NFIC: variants seen among roughly 807,000 people sequenced by gnomAD.
NFIC encodes the protein nuclear factor I C.
NFIC carries 12 observed loss-of-function variants against 54.4 expected under a neutral mutation model. The ratio of observed to expected loss-of-function variants is 0.22; its 90% CI spans 0.14 to 0.36. NFIC has a LOEUF of 0.36. Among genes scored for constraint, NFIC ranks in the 10% least tolerant of loss-of-function variants. NFIC has a pLI of 1.00. For missense variants in NFIC, 575 were observed against 718.2 expected (o/e 0.80, Z 2.28); for synonymous variants, 322 against 319.2 (o/e 1.01, Z -0.09).
At position 3,459,492 on chromosome 19, in the gene NFIC, G is replaced by A. The variant is rs1174022212; in HGVS notation, c.1509+2857G>A. ...CAAGGCGGGCATTGAGCCACATGCC[G>A]GGAGCCACACAGGCGGCTGCAGCCA... On this transcript the variant is annotated intron_variant, in intron 10 of 10. Coordinates refer to ENST00000443272, the MANE Select transcript of NFIC (RefSeq NM_001245002.2). The surrounding 1 kb of genome is among the most constrained non-coding windows in gnomAD (Gnocchi z 4.2). 2.0e-5 allele frequency among the ~76,000 whole-genome samples: 3 copies of A among 152,130 alleles called. No individual in the cohort carries two copies. The highest frequency in any genetic ancestry group is 1.9e-4 in the East Asian group (1 of 5,172).
chr19:3,450,565 G>T (rs1308709119), intron 7 of NFIC, among the ~76,000 whole-genome samples: 3 of 151,310 alleles, frequency 2.0e-5, no homozygotes, highest in African/African-American at 7.3e-5. Context: ...TGAGGCACAA[G>T]AATTTCTTGA....
In NFIC at chr19:3,453,623, C is replaced by A; in HGVS notation, c.1270-140C>A. The A allele has an allele frequency of 8.3e-7, 1 of 1,209,394 alleles. No individual in the cohort carries two copies. Among genetic ancestry groups the A allele is most frequent in the Non-Finnish European group, 1.1e-6 (1 of 898,794 alleles). The allele number at this position is 1,209,394 out of a possible 1,614,324, so 74.9% of individuals were successfully genotyped here. A position where few individuals can be genotyped will look rare whatever the true frequency, so the allele number is the denominator to read the frequency against. ...CGGCCGTCCTCAGACCCACCAAACC[C>A]GCCATGGTCACACCCGCGCCCTGGC... On this transcript the variant is annotated intron_variant, in intron 8 of 10. Coordinates refer to ENST00000443272, the MANE Select transcript of NFIC (RefSeq NM_001245002.2). This position sits in a 1 kb window ranked among gnomAD's most constrained non-coding sequence, Gnocchi z 6.7.
intron 3 of NFIC, among the ~76,000 whole-genome samples, chr19:3,426,429 G>T (rs368222952): frequency 9.9e-5 from 15 of 152,142 alleles, no homozygotes; most frequent in African/African-American, 3.6e-4. Flanking sequence ...TATGTTGTAG[G>T]GATAGGAAGT....
At chr19:3,434,974 C>T (rs2082175786) in intron 5 of NFIC, 109 bp from the exon 6 acceptor site, 1 of 1,371,224 alleles carries the variant, frequency 7.3e-7, no homozygotes, top group African/African-American at 1.5e-5. Context: ...CGCGATACTA[C>T]CTCCCTCGCC....
chr19:3,423,880 T>C (rs990819987), intron 2 of NFIC, among the ~76,000 whole-genome samples: 4 of 152,028 alleles, frequency 2.6e-5, no homozygotes, highest in African/African-American at 7.2e-5. Flanking sequence ...AGGCTGAGGC[T>C]AAGGGACGTG....
intron 1 of NFIC, among the ~76,000 whole-genome samples, chr19:3,381,213 G>A (rs938178982): frequency 1.3e-5 from 2 of 151,920 alleles, no homozygotes; most frequent in East Asian, 1.9e-4. Context: ...TGGCCAACAT[G>A]GTGAAACCCC....
chr19:3,431,581 C>G (rs1199644580), intron 3 of NFIC, among the ~76,000 whole-genome samples: 1 of 151,716 alleles, frequency 6.6e-6, no homozygotes, highest in Non-Finnish European at 1.5e-5. Flanking sequence ...GTTGCCCAGT[C>G]CCGTCTCAAA....
In NFIC at chr19:3,382,304, G is replaced by A. The variant is rs1431509985; in HGVS notation, c.562+61G>A. The A allele has an allele frequency of 7.1e-6, 11 of 1,558,794 alleles. No individual in the cohort carries two copies. In the East Asian group the frequency reaches 9.0e-5, roughly 13 times the overall value. On this transcript the variant is annotated intron_variant, in intron 2 of 10. Transcript: ENST00000443272. ...GGAGGGTGTCTGATGGTGGTGACAC[G>A]GGGCCAGGAGGGCCTGAGGGAGGAG...
intron 1 of NFIC, among the ~76,000 whole-genome samples, chr19:3,374,007 G>A (rs1021771915): frequency 6.6e-6 from 1 of 152,198 alleles, no homozygotes; most frequent in Non-Finnish European, 1.5e-5. Flanking sequence ...CAAGTCATCC[G>A]ACCCGGAGAA....
intron 5 of NFIC, among the ~76,000 whole-genome samples, chr19:3,434,724 T>A (rs543623460): frequency 6.6e-6 from 1 of 152,320 alleles, no homozygotes; most frequent in Admixed American, 6.5e-5. Flanking sequence ...ACACTGTGTG[T>A]GCCCCAGTTT....
In NFIC at chr19:3,437,649, GA is replaced by G. The variant is rs954270994; in HGVS notation, c.958+2451del. Among the ~76,000 whole-genome samples, 23 of 79,628 alleles carry G rather than the reference GA, an allele frequency of 2.9e-4. 1 individual carries two copies. Among genetic ancestry groups the G allele is most frequent in the African/African-American group, 7.9e-4 (20 of 25,474 alleles). 52.2% of individuals were successfully genotyped at this position (79,628 alleles called of 152,430 possible). On this transcript the variant is annotated intron_variant, in intron 6 of 10. Coordinates refer to ENST00000443272, the MANE Select transcript of NFIC (RefSeq NM_001245002.2). ...AGACTATGTCTCAAAAAAAAAAAAA[GA>G]AAAAAAAAGTCACTTCTGTTTCGTT...
chr19:3,440,301 A>G (rs951105787), intron 6 of NFIC, among the ~76,000 whole-genome samples: 21 of 151,932 alleles, frequency 1.4e-4, no homozygotes, highest in African/African-American at 5.1e-4. Flanking sequence ...AGTGGTGACA[A>G]CCGTAAATGT....
intron 2 of NFIC, among the ~76,000 whole-genome samples, chr19:3,420,699 C>T (rs2145592428): frequency 6.6e-6 from 1 of 152,078 alleles, no homozygotes; most frequent in African/African-American, 2.4e-5. Context: ...AGCCATGGTT[C>T]TGGGAGTTTT....
rs73919140 is a variant in NFIC at position 3,398,287 on chromosome 19, G to C, written c.562+16044G>C. ...TAGAGGGTATTAGGGAGAAGGGCCT[G>C]AAACACTGCCAAGTGTCACCTCCAC... is the stretch of plus-strand genomic sequence containing the variant. On this transcript the variant is annotated intron_variant, in intron 2 of 10. Transcript: ENST00000443272. Among the ~76,000 whole-genome samples, 380 of 152,292 alleles carry C rather than the reference G, an allele frequency of 2.5e-3. 1 individual carries two copies. The highest frequency in any genetic ancestry group is 8.9e-3 in the African/African-American group (369 of 41,550).
At chr19:3,429,858 C>G (rs1327284042) in intron 3 of NFIC, among the ~76,000 whole-genome samples, 1 of 152,192 alleles carries the variant, frequency 6.6e-6, no homozygotes, top group Non-Finnish European at 1.5e-5. Context: ...CCGGGAACAT[C>G]GTGGCCCTCA....
At position 3,459,718 on chromosome 19, in the gene NFIC, AG is replaced by A. The variant is rs2082612857; in HGVS notation, c.1510-3031del. Reference sequence around the variant, plus strand: ...GAGGGGAGGCTGGTCCACCACGGGGAGGGTCACGCCCAGAGTCTGTCGGTTG... The same window carrying A: ...GAGGGGAGGCTGGTCCACCACGGGGAGGTCACGCCCAGAGTCTGTCGGTTG... On this transcript the variant is annotated intron_variant, in intron 10 of 10. Coordinates refer to ENST00000443272, the MANE Select transcript of NFIC (RefSeq NM_001245002.2). This position sits in a 1 kb window ranked among gnomAD's most constrained non-coding sequence, Gnocchi z 4.2. Among the ~76,000 whole-genome samples, 1 of 152,140 alleles carries A rather than the reference AG, an allele frequency of 6.6e-6. No homozygotes were observed. The highest frequency in any genetic ancestry group is 2.4e-5 in the African/African-American group (1 of 41,430).
rs1373060274 is a variant in NFIC, at chr19:3,453,649, C to T, written c.1270-114C>T. The T allele has an allele frequency of 1.4e-6, 2 of 1,405,378 alleles. No homozygotes were observed. Among genetic ancestry groups the T allele is most frequent in the East Asian group, 2.8e-5 (1 of 35,382 alleles). 87.1% of individuals were successfully genotyped at this position (1,405,378 alleles called of 1,614,324 possible). ...GCCATGGTCACACCCGCGCCCTGGC[C>T]CCCCAGCCTGCCACCCCGTCCGGGC... On this transcript the variant is annotated intron_variant, in intron 8 of 10. Transcript: ENST00000443272. This position sits in a 1 kb window ranked among gnomAD's most constrained non-coding sequence, Gnocchi z 6.7.
chr19:3,459,806 C>T lies in NFIC; in HGVS notation c.1510-2946C>T, dbSNP rs144221341. 1.1e-4 allele frequency among the ~76,000 whole-genome samples: 17 copies of T among 152,334 alleles called. No individual in the cohort carries two copies. The highest frequency in any genetic ancestry group is 3.8e-4 in the African/African-American group (16 of 41,582). ...AACTTGAACTTGGCTGGAGGTGGGG[C>T]GCTGGGAACCACTGTGGCGCCAGTT... On this transcript the variant is annotated intron_variant, in intron 10 of 10. Transcript: ENST00000443272. The surrounding 1 kb of genome is among the most constrained non-coding windows in gnomAD (Gnocchi z 4.2).
chr19:3,398,540 G>A (rs1463321157), intron 2 of NFIC, among the ~76,000 whole-genome samples: 2 of 152,124 alleles, frequency 1.3e-5, no homozygotes, highest in Admixed American at 6.5e-5. Context: ...TTCACACACT[G>A]GAAACCATCA....
Sources: allele counts gnomAD v4.1 joint callset (sites outside exome capture counted in the v4.1 genomes callset), GRCh38; gene constraint gnomAD v4.1.1; non-coding constraint Gnocchi (gnomAD v3.1); transcripts MANE v1.5; gene names NCBI Gene and HGNC (gene_info 2026-07-23, HGNC 2026-07-21).